CCDC30: variants seen among roughly 807,000 people sequenced by gnomAD.
CCDC30 encodes coiled-coil domain-containing protein 30.
Under a neutral mutation model 100.2 loss-of-function variants are expected in CCDC30, and 70 were observed. The ratio of observed to expected loss-of-function variants is 0.70; its 90% CI spans 0.58 to 0.85. The LOEUF is 0.85. Ranked by LOEUF, CCDC30 falls within the 40% of genes least tolerant of loss-of-function variation. The probability of loss-of-function intolerance (pLI) is 0.00; values close to 1 mark genes in which losing one functional copy is unlikely to be tolerated. For synonymous variants in CCDC30, 233 were observed against 269.5 expected (o/e 0.86, Z 1.33); for missense variants, 652 against 771.2 (o/e 0.85, Z 1.83).
At position 42,543,508 on chromosome 1, in the gene CCDC30, A is replaced by G. The variant is rs146207957; in HGVS notation, c.457-22788A>G. 6.0e-3 allele frequency among the ~76,000 whole-genome samples: 909 copies of G among 152,008 alleles called. 6 individuals are homozygous for G. The highest frequency in any genetic ancestry group is 0.02 in the African/African-American group (847 of 41,462). ...GCTAATTTTTCTATTTTTAGTAGAG[A>G]TGGGGATTCACCATGTTGGCCAGGC... is the stretch of plus-strand genomic sequence containing the variant. On this transcript the variant is annotated intron_variant, in intron 6 of 16. Transcript: ENST00000668663.
chr1:42,615,298 T>A (rs1439401855), intron 11 of CCDC30, among the ~76,000 whole-genome samples: 1 of 152,112 alleles, frequency 6.6e-6, no homozygotes, highest in Non-Finnish European at 1.5e-5. Context: ...TCCTTTGGTT[T>A]GTTTGTTTGT....
chr1:42,642,736 G>A (rs1365361123), intron 13 of CCDC30, 127 bp downstream of exon 17: 2 of 883,396 alleles, frequency 2.3e-6, no homozygotes, highest in Non-Finnish European at 1.6e-6. Flanking sequence ...TCCGCTGTCT[G>A]CTGTTTTTGG....
intron 6 of CCDC30, among the ~76,000 whole-genome samples, chr1:42,528,226 TG>T (rs1473043228): frequency 2.0e-5 from 3 of 152,202 alleles, no homozygotes; most frequent in Admixed American, 2.0e-4. Flanking sequence ...ATAGAATAGG[TG>T]TGCTAGCTCT....
chr1:42,581,231 ACT>A, intron 8 of CCDC30, 127 bp from the exon 13 acceptor site: 1 of 692,116 alleles, frequency 1.4e-6, no homozygotes, highest in Non-Finnish European at 2.5e-6. Flanking sequence ...AAATCTAGCT[ACT>A]CTTTTTACTT....
At chr1:42,478,280 A>C (rs931818247) in intron 1 of CCDC30, among the ~76,000 whole-genome samples, 2 of 152,194 alleles carry the variant, frequency 1.3e-5, no homozygotes, top group Non-Finnish European at 2.9e-5. Flanking sequence ...TGCAGTAATA[A>C]TCAAAGAATG....
At chr1:42,655,857 G>A (rs1648639782), downstream of CCDC30, among the ~76,000 whole-genome samples, 1 of 145,772 alleles carries the variant, frequency 6.9e-6, no homozygotes, top group South Asian at 2.2e-4. Flanking sequence ...TGGCATTTAA[G>A]CTGTTTTTAC....
At chr1:42,500,800 G>A (rs1026407993) in intron 6 of CCDC30, among the ~76,000 whole-genome samples, 47 of 152,162 alleles carry the variant, frequency 3.1e-4, no homozygotes, top group Non-Finnish European at 4.4e-5. Flanking sequence ...TCACCATGTT[G>A]CCCAAGCTCT....
intron 6 of CCDC30, among the ~76,000 whole-genome samples, chr1:42,539,894 G>A (rs1569970026): frequency 6.6e-6 from 1 of 151,028 alleles, no homozygotes; most frequent in Non-Finnish European, 1.5e-5. Context: ...TTTCAGCCTG[G>A]GCAGCACAGT....
At chr1:42,457,392 C>A in the CCDC30 span, 1 of 1,539,680 alleles carries the variant, frequency 6.5e-7, no homozygotes, top group Non-Finnish European at 9.0e-7. Context: ...CCCATATAAC[C>A]AATCTTGGGT....
chr1:42,565,403 A>G (rs1645583788), intron 6 of CCDC30, among the ~76,000 whole-genome samples: 1 of 152,232 alleles, frequency 6.6e-6, no homozygotes, highest in Non-Finnish European at 1.5e-5. Flanking sequence ...TCTCAAAAGA[A>G]GATGTGCAAA....
the CCDC30 span, chr1:42,456,760 C>T: frequency 6.2e-6 from 10 of 1,611,960 alleles, no homozygotes; most frequent in African/African-American, 5.3e-5. Context: ...GCGGGCGGCG[C>T]GGTGCAACCT....
rs370121082 is a variant in CCDC30 at position 42,589,486 on chromosome 1, A to G, written c.1164+3A>G. ...ATGAAAAAAGAAAATATGATGAGGT[A>G]AGAAAGTAAATAGACATGCTTCTCA... On this transcript the variant is annotated splice_donor_region_variant and intron_variant, in intron 10 of 16. Coordinates refer to ENST00000668663, the Ensembl canonical transcript of CCDC30. 3.4e-5 allele frequency: 54 copies of G among 1,609,866 alleles called. No homozygotes were observed. The highest frequency in any genetic ancestry group is 3.3e-4 in the Middle Eastern group (2 of 6,074).
At chr1:42,539,199 T>G in intron 6 of CCDC30, 2 of 1,602,744 alleles carry the variant, frequency 1.2e-6, no homozygotes, top group Non-Finnish European at 1.7e-6. Context: ...AGTCAGAGCT[T>G]ATATGCCTTT....
At chr1:42,612,788 G>A (rs1319068086) in intron 11 of CCDC30, among the ~76,000 whole-genome samples, 1 of 152,046 alleles carries the variant, frequency 6.6e-6, no homozygotes, top group African/African-American at 2.4e-5. Context: ...GTGCCAAACA[G>A]GCACTTTAGC....
chr1:42,620,557 A>C (rs2148656602), intron 11 of CCDC30, among the ~76,000 whole-genome samples: 1 of 151,724 alleles, frequency 6.6e-6, no homozygotes. Flanking sequence ...ACAGTTATTC[A>C]AAGTATGTGG....
At chr1:42,566,764 GC>G (rs1645614623) in intron 7 of CCDC30, among the ~76,000 whole-genome samples, 1 of 151,996 alleles carries the variant, frequency 6.6e-6, no homozygotes, top group African/African-American at 2.4e-5. Context: ...TGGTTGTCCT[GC>G]CCTGTGTATC....
chr1:42,488,986 C>T (rs530214073), intron 3 of CCDC30, among the ~76,000 whole-genome samples: 1 of 152,202 alleles, frequency 6.6e-6, no homozygotes, highest in South Asian at 2.1e-4. Flanking sequence ...AGTTCCAGAA[C>T]TACTCAGTGT....
intron 6 of CCDC30, among the ~76,000 whole-genome samples, chr1:42,508,340 A>G (rs970125278): frequency 6.6e-6 from 1 of 152,176 alleles, no homozygotes; most frequent in African/African-American, 2.4e-5. Flanking sequence ...CCATTTTGTA[A>G]TCAGCCCACT....
At chr1:42,501,724 A>G (rs533623691) in intron 6 of CCDC30, among the ~76,000 whole-genome samples, 78 of 152,330 alleles carry the variant, frequency 5.1e-4, no homozygotes, top group African/African-American at 1.8e-3. Flanking sequence ...GGTCCACTCC[A>G]GACCCTGTTT....
Sources: gnomAD v4.1 joint callset for allele counts (sites outside exome capture counted in the v4.1 genomes callset) on GRCh38, gnomAD v4.1.1 for gene constraint, MANE v1.5 for transcripts, NCBI Gene and HGNC (gene_info 2026-07-23, HGNC 2026-07-21) for gene names.